Variants in PLEKHG1 observed in about 807,000 individuals in gnomAD.
The protein encoded by PLEKHG1 is pleckstrin homology domain-containing family G member 1.
Under a neutral mutation model 100.8 loss-of-function variants are expected in PLEKHG1, and 44 were observed. The ratio of observed to expected loss-of-function variants is 0.44; its 90% CI spans 0.34 to 0.56. The LOEUF (loss-of-function observed/expected upper bound fraction) is 0.56, where lower values mean the gene tolerates loss of function less well. Among genes scored for constraint, PLEKHG1 ranks in the 20% least tolerant of loss-of-function variants. The pLI is 0.01. For missense variants in PLEKHG1, 1,545 were observed against 1,720.9 expected, an observed-to-expected ratio of 0.90 and a Z score of 1.81; for synonymous variants, 640 against 662.5, an observed-to-expected ratio of 0.97 and a Z score of 0.52.
chr6:150,732,798 G>C (rs115947219), intron 1 of PLEKHG1, among the ~76,000 whole-genome samples: 1,968 of 152,250 alleles, frequency 0.013, 46 homozygotes, highest in African/African-American at 0.045. Context: ...TGTTGGCCAG[G>C]CTTGTCTCAA....
chr6:150,619,823 C>T (rs1453837320), intron 1 of PLEKHG1, among the ~76,000 whole-genome samples: 3 of 152,210 alleles, frequency 2.0e-5, no homozygotes, highest in Non-Finnish European at 2.9e-5. Flanking sequence ...AGCGCTACTC[C>T]ACTTCTCATA....
At chr6:150,804,832 C>T (rs955645531) in intron 7 of PLEKHG1, 91 bp downstream of exon 8, 2 of 1,166,372 alleles carry the variant, frequency 1.7e-6, no homozygotes, top group Non-Finnish European at 2.5e-6. Flanking sequence ...TCAAGTACTG[C>T]ACTACACTCA....
At chr6:150,656,003 G>A (rs1039122606) in intron 3 of PLEKHG1, among the ~76,000 whole-genome samples, 1 of 151,972 alleles carries the variant, frequency 6.6e-6, no homozygotes, top group Non-Finnish European at 1.5e-5. Context: ...TGTAGATGAT[G>A]GGTTGATGGG....
At chr6:150,635,885 A>G (rs985860331) in intron 1 of PLEKHG1, among the ~76,000 whole-genome samples, 1 of 152,210 alleles carries the variant, frequency 6.6e-6, no homozygotes, top group African/African-American at 2.4e-5. Flanking sequence ...CATGCACTGT[A>G]CAACACTCAT....
At chr6:150,701,558 A>G (rs1016173323) in intron 3 of PLEKHG1, among the ~76,000 whole-genome samples, 4 of 142,126 alleles carry the variant, frequency 2.8e-5, no homozygotes, top group Non-Finnish European at 4.6e-5. Flanking sequence ...GCACCCATTA[A>G]CTCATCATTT....
chr6:150,749,959 C>T (rs1335173707), intron 2 of PLEKHG1, among the ~76,000 whole-genome samples: 1 of 151,856 alleles, frequency 6.6e-6, no homozygotes, highest in Admixed American at 6.6e-5. Flanking sequence ...GTAGTCCCAG[C>T]TACTTGGGAG....
At chr6:150,731,985 G>A (rs767937132) in intron 1 of PLEKHG1, among the ~76,000 whole-genome samples, 111 of 119,994 alleles carry the variant, frequency 9.3e-4, no homozygotes, top group Non-Finnish European at 1.2e-3. Flanking sequence ...TTTTTGAGAC[G>A]GACTCTCTCT....
chr6:150,693,048 A>G (rs1460078031), intron 3 of PLEKHG1, among the ~76,000 whole-genome samples: 1 of 152,154 alleles, frequency 6.6e-6, no homozygotes, highest in East Asian at 1.9e-4. Context: ...ACCTCAGGGA[A>G]CTGTTCCTGC....
At chr6:150,649,966 G>C (rs1215093104) in intron 2 of PLEKHG1, among the ~76,000 whole-genome samples, 6 of 151,800 alleles carry the variant, frequency 4.0e-5, no homozygotes, top group South Asian at 4.2e-4. Context: ...AAGCCGAGAT[G>C]GCGCCACTGC....
intron 2 of PLEKHG1, among the ~76,000 whole-genome samples, chr6:150,746,291 T>C (rs1055897087): frequency 6.6e-6 from 1 of 152,216 alleles, no homozygotes; most frequent in Admixed American, 6.5e-5. Flanking sequence ...AACATATTAA[T>C]CTCGTGGGAA....
chr6:150,827,570 C>T (rs1776684741), intron 14 of PLEKHG1: 4 of 652,356 alleles, frequency 6.1e-6, no homozygotes, highest in South Asian at 5.1e-5. Context: ...GCCACTGTGC[C>T]TGGCCAAAAC....
intron 1 of PLEKHG1, among the ~76,000 whole-genome samples, chr6:150,630,902 C>T (rs776979253): frequency 6.6e-6 from 1 of 152,066 alleles, no homozygotes. Flanking sequence ...TCCAGAAGCT[C>T]AGTGGAGAAT....
chr6:150,804,155 T>TTTTA (rs1554276214), intron 6 of PLEKHG1, among the ~76,000 whole-genome samples: 1 of 30,274 alleles, frequency 3.3e-5, no homozygotes, highest in South Asian at 1.4e-3. Flanking sequence ...TGTAAATATT[T>TTTTA]TATATATATA....
At chr6:150,830,583 T>C (rs770930764) in exon 15 of PLEKHG1, 2 of 1,581,360 alleles carry the variant, frequency 1.3e-6, no homozygotes, top group Non-Finnish European at 1.7e-6. Flanking sequence ...CTTCCTCAGG[T>C]TTCTAGAGAG....
chr6:150,708,981 TTTTGCA>T (rs1405091167), intron 3 of PLEKHG1, among the ~76,000 whole-genome samples: 14 of 152,100 alleles, frequency 9.2e-5, no homozygotes, highest in Admixed American at 2.6e-4. Context: ...CGTCGAAAAA[TTTTGCA>T]GGGAGTTTTC....
intron 2 of PLEKHG1, among the ~76,000 whole-genome samples, chr6:150,761,573 G>C (rs1016380021): frequency 2.0e-5 from 3 of 152,060 alleles, no homozygotes; most frequent in Non-Finnish European, 2.9e-5. Flanking sequence ...GGGATGCAGG[G>C]GTGAGCCACC....
intron 2 of PLEKHG1, among the ~76,000 whole-genome samples, chr6:150,766,928 C>G (rs6925636): frequency 0.029 from 4,436 of 152,184 alleles, 212 homozygotes; most frequent in African/African-American, 0.1. Context: ...CCTGCCCCGC[C>G]CCTCATCCTG....
chr6:150,646,455 A>G (rs1778502848), intron 2 of PLEKHG1, among the ~76,000 whole-genome samples: 1 of 152,174 alleles, frequency 6.6e-6, no homozygotes, highest in South Asian at 2.1e-4. Flanking sequence ...GGCAAGGGAG[A>G]GGAAAATGTT....
intron 2 of PLEKHG1, among the ~76,000 whole-genome samples, chr6:150,760,639 T>C (rs1407727041): frequency 1.3e-5 from 2 of 150,888 alleles, no homozygotes; most frequent in African/African-American, 4.9e-5. Flanking sequence ...GCTTTGCTTT[T>C]TTTTTTTTTT....
Sources: gnomAD v4.1 joint callset for allele counts (sites outside exome capture counted in the v4.1 genomes callset) on GRCh38, gnomAD v4.1.1 for gene constraint, MANE v1.5 for transcripts, NCBI Gene and HGNC (gene_info 2026-07-23, HGNC 2026-07-21) for gene names.